Variants in MAOB observed in about 807,000 individuals in gnomAD.
The protein encoded by MAOB is amine oxidase [flavin-containing] B.
A neutral mutation model predicts 41.9 loss-of-function variants in MAOB; 15 were observed. The observed-to-expected ratio is 0.36, with a 90% CI of 0.24 to 0.55. MAOB has a LOEUF of 0.55. Ranked by LOEUF, MAOB falls within the 20% of genes least tolerant of loss-of-function variation. MAOB has a pLI of 0.86. For synonymous variants in MAOB, 167 were observed against 144.2 expected (o/e 1.16, Z -1.13); for missense variants, 345 against 398.7 (o/e 0.87, Z 1.15).
intron 5 of MAOB, among the ~76,000 whole-genome samples, chrX:43,801,437 A>G (rs1429365917): frequency 1.8e-5 from 2 of 111,510 alleles, no homozygotes; most frequent in African/African-American, 3.3e-5. Context: ...CTCTTTAGCA[A>G]GACAGGGCAG....
At chrX:43,786,658 T>C (rs943959301) in intron 8 of MAOB, among the ~76,000 whole-genome samples, 2 of 111,577 alleles carry the variant, frequency 1.8e-5, no homozygotes, top group Non-Finnish European at 3.8e-5. Flanking sequence ...AGCAGACAAA[T>C]AGGACAAGAT....
chrX:43,834,703 C>T (rs746380541), intron 3 of MAOB, among the ~76,000 whole-genome samples: 2 of 112,096 alleles, frequency 1.8e-5, no homozygotes, highest in East Asian at 5.6e-4. Flanking sequence ...GCAGCTATGG[C>T]AGCAACAAGC....
At chrX:43,772,096 A>G (rs2034192720) in intron 12 of MAOB, among the ~76,000 whole-genome samples, 1 of 111,813 alleles carries the variant, frequency 8.9e-6, no homozygotes, top group Non-Finnish European at 1.9e-5. Flanking sequence ...CTTTTCCTTC[A>G]GAACATGTAC....
intron 8 of MAOB, among the ~76,000 whole-genome samples, chrX:43,791,992 T>C (rs2034469638): frequency 1.8e-5 from 2 of 112,105 alleles, no homozygotes; most frequent in Non-Finnish European, 3.8e-5. Context: ...TAATTTAATA[T>C]GGTAGAATCG....
Position 43,820,384 on chromosome X carries a change from A to G in MAOB, c.280-16980T>C, listed in dbSNP as rs1272997106. 3.6e-5 allele frequency among the ~76,000 whole-genome samples: 4 copies of G among 112,414 alleles called. No homozygotes were observed. In the East Asian group the frequency reaches 1.1e-3, roughly 31 times the overall value. On this transcript the variant is annotated intron_variant, in intron 3 of 14. Transcript: ENST00000378069. ...CTTGTTTAAATAGCTGTTATTAAAGAATTGTAAAATTTCAGGTTCATAAAG... is the reference window on the plus strand; with the variant it reads ...CTTGTTTAAATAGCTGTTATTAAAGGATTGTAAAATTTCAGGTTCATAAAG...
chrX:43,839,016 A>G lies in MAOB; in HGVS notation c.142-11T>C, dbSNP rs904284295. On this transcript the variant is annotated splice_polypyrimidine_tract_variant and intron_variant, in intron 2 of 14. Coordinates refer to ENST00000378069, the MANE Select transcript of MAOB (RefSeq NM_000898.5). ...TTTAACCTTTTGGTTCTGTTTTCCC[A>G]TAGGAAAAAATTAAAAAAAATTTGT... 1 of 1,133,863 alleles carries G rather than the reference A, an allele frequency of 8.8e-7. No homozygotes were observed. The highest frequency in any genetic ancestry group is 2.2e-5 in the South Asian group (1 of 46,058). 93.4% of individuals were successfully genotyped at this position (1,133,863 alleles called of 1,213,427 possible).
At chrX:43,770,537 T>C (rs2034169422) in intron 12 of MAOB, among the ~76,000 whole-genome samples, 1 of 112,066 alleles carries the variant, frequency 8.9e-6, no homozygotes, top group Admixed American at 9.5e-5. Flanking sequence ...GCAATCTGAC[T>C]CTGGAACCTA....
At chrX:43,797,394 T>A in intron 5 of MAOB, 128 bp from the exon 6 acceptor site, 1 of 446,688 alleles carries the variant, frequency 2.2e-6, no homozygotes, top group Non-Finnish European at 3.4e-6. Context: ...CAAAAAATTG[T>A]CACTAGAATC....
chrX:43,819,043 A>T (rs2034851654), intron 3 of MAOB, among the ~76,000 whole-genome samples: 1 of 110,844 alleles, frequency 9.0e-6, no homozygotes, highest in Non-Finnish European at 1.9e-5. Context: ...CTCACCAGAC[A>T]CTCTTACGCT....
Position 43,843,727 on chromosome X carries a change from C to A in MAOB, c.84G>T (p.Leu28=), listed in dbSNP as rs12010260. The part of the protein sequence containing the change: ...AAAKLLHDSG[L]NVVVLEARDR... ...CCCGGGCTTCCAGAACAACCACATT[C>A]AGTCCAGAGTCATGCAGAAGTTTGG... The change falls in exon 2 of 15, where the codon CTG becomes CTT. Residue 28 remains leucine (L), a synonymous_variant. Transcript: ENST00000378069. 7.3e-4 allele frequency: 888 copies of A among 1,209,094 alleles called. 6 individuals are homozygous for A. In the African/African-American group the frequency reaches 0.013, roughly 18 times the overall value.
chrX:43,855,508 G>A (rs1486297675), intron 1 of MAOB, among the ~76,000 whole-genome samples: 1 of 110,849 alleles, frequency 9.0e-6, no homozygotes, highest in African/African-American at 3.3e-5. Context: ...AAACAGCAAT[G>A]CAGAAGCTAC....
chrX:43,829,805 A>G (rs1316608735), intron 3 of MAOB, among the ~76,000 whole-genome samples: 1 of 111,927 alleles, frequency 8.9e-6, no homozygotes, highest in East Asian at 2.8e-4. Context: ...TTATTTTTTA[A>G]CAAATTTAAG....
intron 2 of MAOB, among the ~76,000 whole-genome samples, chrX:43,842,918 TGAG>T (rs1407390082): frequency 9.0e-6 from 1 of 110,995 alleles, no homozygotes; most frequent in Non-Finnish European, 1.9e-5. Context: ...ACTGAGGGAA[TGAG>T]GAGTACAAAA....
At chrX:43,830,278 C>T (rs1227142896) in intron 3 of MAOB, among the ~76,000 whole-genome samples, 4 of 110,846 alleles carry the variant, frequency 3.6e-5, no homozygotes, top group Non-Finnish European at 5.7e-5. Context: ...CTAGTAAATC[C>T]TGAGATGCCT....
intron 8 of MAOB, among the ~76,000 whole-genome samples, chrX:43,788,309 A>T (rs2034424577): frequency 9.0e-6 from 1 of 111,601 alleles, no homozygotes; most frequent in Non-Finnish European, 1.9e-5. Context: ...ACATGACCCA[A>T]ACATTTGCTT....
At chrX:43,822,424 G>T (rs2034893077) in intron 3 of MAOB, among the ~76,000 whole-genome samples, 1 of 111,969 alleles carries the variant, frequency 8.9e-6, no homozygotes, top group African/African-American at 3.2e-5. Context: ...CACTTGTTGA[G>T]GGAATAAGAA....
At chrX:43,825,504 C>G (rs1383503905) in intron 3 of MAOB, among the ~76,000 whole-genome samples, 1 of 111,019 alleles carries the variant, frequency 9.0e-6, no homozygotes, top group Non-Finnish European at 1.9e-5. Context: ...GAAATTGGAT[C>G]CCACCCTCTC....
chrX:43,827,604 AC>A (rs913077986), intron 3 of MAOB, among the ~76,000 whole-genome samples: 4 of 111,943 alleles, frequency 3.6e-5, no homozygotes, highest in South Asian at 7.6e-4. Context: ...CAAAGCCGTG[AC>A]AGAGTCCTCC....
intron 12 of MAOB, 27 bp downstream of exon 12, chrX:43,775,148 T>C (rs1399506998): frequency 2.6e-6 from 3 of 1,143,363 alleles, no homozygotes; most frequent in East Asian, 3.3e-5. Context: ...GGGATTTCTG[T>C]AACAGCTTAG....
Sources: gnomAD v4.1 joint callset for allele counts (sites outside exome capture counted in the v4.1 genomes callset) on GRCh38, gnomAD v4.1.1 for gene constraint, MANE v1.5 for transcripts, NCBI Gene and HGNC (gene_info 2026-07-23, HGNC 2026-07-21) for gene names.